SMG7: variants seen among roughly 807,000 people sequenced by gnomAD.
SMG7 encodes the protein nonsense-mediated mRNA decay factor SMG7.
In SMG7, 34 loss-of-function variants were observed where a neutral mutation model predicts 148.2. That is an observed-to-expected ratio of 0.23 (90% CI 0.17 to 0.31). The LOEUF (loss-of-function observed/expected upper bound fraction) is 0.31. SMG7 is among the 10% of genes least tolerant of loss of function. The probability of loss-of-function intolerance (pLI) is 1.00; values close to 1 mark genes in which losing one functional copy is unlikely to be tolerated. For missense variants in SMG7, 1,114 were observed against 1,408.4 expected (o/e 0.79, Z 3.35); for synonymous variants, 492 against 515.1 (o/e 0.96, Z 0.61).
At chr1:183,484,912 T>G (rs892432449) in intron 1 of SMG7, among the ~76,000 whole-genome samples, 1 of 152,182 alleles carries the variant, frequency 6.6e-6, no homozygotes, top group African/African-American at 2.4e-5. Context: ...TGGCATACAC[T>G]GACATACCTT....
chr1:183,502,165 C>A, intron 1 of SMG7: 1 of 858,176 alleles, frequency 1.2e-6, no homozygotes, highest in East Asian at 3.0e-5. Flanking sequence ...CACATGAAGT[C>A]ATTTCAAATA....
chr1:183,549,831 C>T lies in SMG7; in HGVS notation c.3041C>T (p.Ala1014Val). The T allele has an allele frequency of 3.7e-6, 6 of 1,613,688 alleles. No homozygotes were observed. In the South Asian group the frequency reaches 6.6e-5, roughly 18 times the overall value. ...AAAAACCTGACATCCAGCTCCAAAG[C>T]AGAACTCAGTCCCTCAATGGCCCCC... ...YGKNLTSSSK[A>V]ELSPSMAPQE... The change falls in exon 20 of 23, where the codon GCA (alanine) becomes GTA (valine). Residue 1014 changes from alanine (A) to valine (V), a missense_variant. Ala to Val is a moderately conservative substitution (Grantham distance 64). Around this residue, in one of 4 missense-constraint regions of SMG7, gnomAD observed 788 missense variants for 894.5 expected, o/e 0.88. Transcript: ENST00000688051.
intron 18 of SMG7, among the ~76,000 whole-genome samples, chr1:183,547,586 G>C (rs913939622): frequency 2.0e-5 from 3 of 152,100 alleles, no homozygotes; most frequent in Admixed American, 6.6e-5. Flanking sequence ...GAAATTTTAA[G>C]TATCATTTAA....
intron 14 of SMG7, among the ~76,000 whole-genome samples, chr1:183,543,746 C>G (rs987411760): frequency 2.0e-5 from 3 of 152,196 alleles, no homozygotes; most frequent in Admixed American, 6.6e-5. Context: ...TCATTTTGCT[C>G]AACTTTGAGC....
Position 183,526,721 on chromosome 1 carries a change from C to T in SMG7, c.438C>T (p.Ser146=). ...CCATAGTGAAGCCACAGTCTAGCTC[C>T]TGTTCCTATATCTGCCAGCACTGCC... ...TSAIVKPQSS[S]CSYICQHCLV... is the part of the protein sequence containing the mutation. The change falls in exon 5 of 23, where the codon TCC becomes TCT. Residue 146 remains serine (S), a synonymous_variant. Coordinates refer to ENST00000688051, the MANE Select transcript of SMG7 (RefSeq NM_001375584.1). The T allele has an allele frequency of 6.2e-7, 1 of 1,613,758 alleles. No homozygotes were observed. Among genetic ancestry groups the T allele is most frequent in the Non-Finnish European group, 8.5e-7 (1 of 1,179,794 alleles).
intron 1 of SMG7, among the ~76,000 whole-genome samples, chr1:183,499,806 CT>C (rs1659350104): frequency 6.6e-6 from 1 of 152,112 alleles, no homozygotes; most frequent in Non-Finnish European, 1.5e-5. Flanking sequence ...ATTAACACTA[CT>C]TTTAATTCTA....
chr1:183,538,053 CT>C (rs1486948487), intron 11 of SMG7, among the ~76,000 whole-genome samples: 4 of 152,160 alleles, frequency 2.6e-5, no homozygotes, highest in Non-Finnish European at 5.9e-5. Flanking sequence ...TTATTCAATA[CT>C]TTCAGTAAAA....
intron 1 of SMG7, among the ~76,000 whole-genome samples, chr1:183,498,525 C>T (rs556676579): frequency 6.6e-6 from 1 of 152,324 alleles, no homozygotes; most frequent in African/African-American, 2.4e-5. Flanking sequence ...AAACAAAAAA[C>T]ACTGTTTCTT....
intron 1 of SMG7, 28 bp from the exon 2 acceptor site, chr1:183,512,808 CT>C (rs59379855): frequency 0.099 from 123,170 of 1,243,622 alleles, 43 homozygotes; most frequent in African/African-American, 0.13. Flanking sequence ...AACTGATACT[CT>C]TTTTTTTTTT....
intron 1 of SMG7, among the ~76,000 whole-genome samples, chr1:183,477,893 G>T (rs1653067920): frequency 6.6e-6 from 1 of 152,086 alleles, no homozygotes; most frequent in African/African-American, 2.4e-5. Context: ...TGGCTCACTT[G>T]TCAGAAGTTT....
rs1350860646 is a variant in SMG7, at chr1:183,542,103, G to T, written c.1443G>T (p.Gly481=). The change falls in exon 14 of 23, where the codon GGG becomes GGT. Residue 481 remains glycine, a synonymous_variant. Transcript: ENST00000688051. Reference sequence around the variant, plus strand: ...TGATTCAGTGTGAAAATGAGGTAGGGAAATTGTTGTTTATCACAGAAATCC... The same window carrying T: ...TGATTCAGTGTGAAAATGAGGTAGGTAAATTGTTGTTTATCACAGAAATCC... ...PRLIQCENEV[G]KLLFITEIPE... 7 of 1,612,726 alleles carry T rather than the reference G, an allele frequency of 4.3e-6. No homozygotes were observed. In the Admixed American group the frequency reaches 1.0e-4, roughly 23 times the overall value.
intron 4 of SMG7, 42 bp from the exon 5 acceptor site, chr1:183,526,554 C>A: frequency 7.4e-7 from 1 of 1,350,214 alleles, no homozygotes; most frequent in Non-Finnish European, 1.0e-6. Flanking sequence ...ACTTTTAGAG[C>A]ACTTGTGACT....
chr1:183,500,041 A>C (rs1301092516), intron 1 of SMG7, among the ~76,000 whole-genome samples: 9 of 152,182 alleles, frequency 5.9e-5, no homozygotes. Context: ...CATTGGGTTC[A>C]TTGCTTTGGA....
rs201552704 is a variant in SMG7, at chr1:183,544,359, T to C, written c.1849T>C (p.Ser617Pro). The C allele has an allele frequency of 6.2e-7, 1 of 1,613,736 alleles. No individual in the cohort carries two copies. Among genetic ancestry groups the C allele is most frequent in the East Asian group, 2.2e-5 (1 of 44,852 alleles). The change falls in exon 15 of 23, where the codon TCC becomes CCC. Residue 617 changes from serine (S) to proline (P), a missense_variant. This residue lies in a region of SMG7 where 788 missense variants were observed against 894.5 expected (regional missense o/e 0.88). Transcript: ENST00000688051. ...GKQNVAVQVKSQTELRKTPVS... is the reference protein window; with the variant it reads ...GKQNVAVQVKPQTELRKTPVS... ...TTGCTTCTATTGGTTACAGGTAAAA[T>C]CCCAGACAGAACTAAGAAAGACTCC... is the stretch of plus-strand genomic sequence containing the variant.
chr1:183,496,392 T>C (rs1658489267), intron 1 of SMG7, among the ~76,000 whole-genome samples: 1 of 152,206 alleles, frequency 6.6e-6, no homozygotes, highest in African/African-American at 2.4e-5. Context: ...AAACATGTTA[T>C]GTATTCCATC....
In SMG7 at chr1:183,531,999, A is replaced by G. The variant is rs373817910; in HGVS notation, c.844-1165A>G. 6.6e-5 allele frequency among the ~76,000 whole-genome samples: 10 copies of G among 152,294 alleles called. No homozygotes were observed. The East Asian group carries it at 1.5e-3, about 23-fold the overall frequency. On this transcript the variant is annotated intron_variant, in intron 8 of 22. Coordinates refer to ENST00000688051, the MANE Select transcript of SMG7 (RefSeq NM_001375584.1). Reference sequence around the variant, plus strand: ...AAAGGGCTAATCATTCTAGACATATACAATGAAATAGATTGCAAGAAGACT... The same window carrying G: ...AAAGGGCTAATCATTCTAGACATATGCAATGAAATAGATTGCAAGAAGACT...
At chr1:183,508,640 T>A (rs897035904) in intron 1 of SMG7, among the ~76,000 whole-genome samples, 1 of 152,190 alleles carries the variant, frequency 6.6e-6, no homozygotes, top group Admixed American at 6.5e-5. Context: ...TGCTTAGGGG[T>A]GGGAAGATAG....
At chr1:183,488,499 A>G (rs1250846967) in intron 1 of SMG7, among the ~76,000 whole-genome samples, 1 of 152,152 alleles carries the variant, frequency 6.6e-6, no homozygotes, top group East Asian at 1.9e-4. Flanking sequence ...TGTGGTAGCC[A>G]CTGGCCACAT....
At chr1:183,488,337 C>T (rs1656025391) in intron 1 of SMG7, among the ~76,000 whole-genome samples, 1 of 151,926 alleles carries the variant, frequency 6.6e-6, no homozygotes, top group Non-Finnish European at 1.5e-5. Context: ...TATTTAAATG[C>T]ATTTAAATAA....
Sources: allele counts gnomAD v4.1 joint callset (sites outside exome capture counted in the v4.1 genomes callset), GRCh38; gene constraint gnomAD v4.1.1; regional missense constraint gnomAD v4.1.1; transcripts MANE v1.5; gene names NCBI Gene and HGNC (gene_info 2026-07-23, HGNC 2026-07-21).